GLIS3: variants seen among roughly 807,000 people sequenced by gnomAD.
GLIS3 encodes zinc finger protein GLIS3.
In GLIS3, 53 loss-of-function variants were observed where a neutral mutation model predicts 78.6. That is an observed-to-expected ratio of 0.67 (90% CI 0.54 to 0.85). The LOEUF (loss-of-function observed/expected upper bound fraction) is 0.85. Among genes scored for constraint, GLIS3 ranks in the 40% least tolerant of loss-of-function variants. The pLI, the probability that GLIS3 is intolerant of heterozygous loss-of-function variation, is 0.00. For missense variants in GLIS3, 1,703 were observed against 1,231.1 expected, an observed-to-expected ratio of 1.38 and a Z score of -5.74; for synonymous variants, 684 against 509.9, an observed-to-expected ratio of 1.34 and a Z score of -4.60.
chr9:3,957,386 T>C (rs1817196658), intron 4 of GLIS3, among the ~76,000 whole-genome samples: 1 of 152,230 alleles, frequency 6.6e-6, no homozygotes, highest in South Asian at 2.1e-4. Flanking sequence ...TAAAAGTTGC[T>C]ATTGATGTGG....
At chr9:3,999,074 A>G (rs1820946186) in intron 4 of GLIS3, among the ~76,000 whole-genome samples, 1 of 152,078 alleles carries the variant, frequency 6.6e-6, no homozygotes, top group Non-Finnish European at 1.5e-5. Context: ...CCATTTAACA[A>G]TTATCCTAGA....
intron 4 of GLIS3, among the ~76,000 whole-genome samples, chr9:3,988,282 A>C (rs553322595): frequency 6.6e-6 from 1 of 152,358 alleles, no homozygotes; most frequent in African/African-American, 2.4e-5. Context: ...GACTAAAGAA[A>C]GATCTTCCAA....
chr9:4,463,486 T>C, the GLIS3 span, among the ~76,000 whole-genome samples: 1 of 152,178 alleles, frequency 6.6e-6, no homozygotes, highest in Non-Finnish European at 1.5e-5. Flanking sequence ...AAATTATTTC[T>C]TTCTGTTTCT....
At chr9:3,919,140 C>G (rs1309800373) in intron 6 of GLIS3, among the ~76,000 whole-genome samples, 5 of 152,038 alleles carry the variant, frequency 3.3e-5, no homozygotes, top group African/African-American at 1.2e-4. Flanking sequence ...ATTAGGTACT[C>G]CAAAGCATGG....
chr9:4,139,161 C>A (rs1357940493), intron 2 of GLIS3, among the ~76,000 whole-genome samples: 1 of 152,158 alleles, frequency 6.6e-6, no homozygotes, highest in African/African-American at 2.4e-5. Flanking sequence ...ACCTTTCTTC[C>A]ATAAATCAAG....
intron 1 of GLIS3, among the ~76,000 whole-genome samples, chr9:4,292,998 C>A (rs568036002): frequency 1.3e-5 from 2 of 152,238 alleles, no homozygotes; most frequent in African/African-American, 4.8e-5. Context: ...GACACAAAGG[C>A]TTCTTCTTCA....
chr9:3,993,119 A>C (rs888983841), intron 4 of GLIS3, among the ~76,000 whole-genome samples: 2 of 152,186 alleles, frequency 1.3e-5, no homozygotes, highest in African/African-American at 4.8e-5. Flanking sequence ...TTCTCACTCC[A>C]GCTCTCAAGC....
chr9:4,270,931 GTGTA>G (rs879788870), intron 2 of GLIS3, among the ~76,000 whole-genome samples: 2,820 of 78,328 alleles, frequency 0.036, 38 homozygotes, highest in South Asian at 0.12. Context: ...GTGTGTGTGT[GTGTA>G]TACACAACTG....
intron 8 of GLIS3, among the ~76,000 whole-genome samples, chr9:3,869,462 A>G (rs376928372): frequency 5.9e-5 from 9 of 152,344 alleles, no homozygotes; most frequent in African/African-American, 1.4e-4. Flanking sequence ...CAAGAAAGCA[A>G]TGTAGAGAAA....
chr9:4,341,673 C>T (rs1817836018), intron 2 of GLIS3, among the ~76,000 whole-genome samples: 1 of 152,222 alleles, frequency 6.6e-6, no homozygotes, highest in South Asian at 2.1e-4. Context: ...AGTCTTACAA[C>T]CAGTGCCTCT....
intron 4 of GLIS3, among the ~76,000 whole-genome samples, chr9:4,055,613 A>C (rs1304149580): frequency 6.6e-6 from 1 of 152,202 alleles, no homozygotes. Context: ...TGTGAAGCAA[A>C]TATGTTGCTC....
chr9:4,165,576 A>G (rs181887397), intron 2 of GLIS3, among the ~76,000 whole-genome samples: 109 of 152,392 alleles, frequency 7.2e-4, no homozygotes, highest in Non-Finnish European at 1.2e-3. Flanking sequence ...ACATAAAGCT[A>G]CACTCCGAGT....
Position 4,183,485 on chromosome 9 carries a change from G to T in GLIS3, c.389-57544C>A, listed in dbSNP as rs968212323. On this transcript the variant is annotated intron_variant, in intron 2 of 10. Transcript: ENST00000381971. Reference sequence around the variant, plus strand: ...AATCTAGCTTAAATTGCATAGTCCAGCACACTATACTGAAGGAAGCAGCGA... The same window carrying T: ...AATCTAGCTTAAATTGCATAGTCCATCACACTATACTGAAGGAAGCAGCGA... Among the ~76,000 whole-genome samples the T allele has an allele frequency of 3.9e-5, 6 of 152,076 alleles. 1 individual carries two copies. The highest frequency in any genetic ancestry group is 4.4e-5 in the Non-Finnish European group (3 of 68,028).
At chr9:4,472,607 T>C in the GLIS3 span, among the ~76,000 whole-genome samples, 9,215 of 56,144 alleles carry the variant, frequency 0.16, 374 homozygotes, top group Middle Eastern at 0.21. Flanking sequence ...GGGCCTGTCA[T>C]GGGGTGTGGG....
chr9:3,888,600 G>A (rs1306734864), intron 7 of GLIS3, among the ~76,000 whole-genome samples: 2 of 152,174 alleles, frequency 1.3e-5, no homozygotes, highest in Admixed American at 1.3e-4. Flanking sequence ...GGAGCTCACA[G>A]CTTCTTCGAT....
At position 4,013,440 on chromosome 9, in the gene GLIS3, T is replaced by G. The variant is rs1458633321; in HGVS notation, c.1711-76251A>C. ...TATACTTTCTTATGATATAATCAAT[T>G]GTCTGTCCTTGGAGATTCATTGTTT... On this transcript the variant is annotated intron_variant, in intron 4 of 10. Coordinates refer to ENST00000381971, the MANE Select transcript of GLIS3 (RefSeq NM_001042413.2). Among the ~76,000 whole-genome samples the G allele has an allele frequency of 2.0e-5, 3 of 152,234 alleles. No homozygotes were observed. In the East Asian group the frequency reaches 5.8e-4, roughly 29 times the overall value.
At chr9:4,479,417 T>G in the GLIS3 span, among the ~76,000 whole-genome samples, 1 of 152,206 alleles carries the variant, frequency 6.6e-6, no homozygotes, top group Non-Finnish European at 1.5e-5. Context: ...TATTCTTTCC[T>G]GTCTTTTGGC....
At position 3,939,375 on chromosome 9, in the gene GLIS3, A is replaced by G. The variant is rs755527332; in HGVS notation, c.1711-2186T>C. Among the ~76,000 whole-genome samples, 164 of 152,352 alleles carry G rather than the reference A, an allele frequency of 1.1e-3. 1 individual carries two copies. Among genetic ancestry groups the G allele is most frequent in the South Asian group, 3.1e-3 (15 of 4,828 alleles). On this transcript the variant is annotated intron_variant, in intron 4 of 10. Coordinates refer to ENST00000381971, the MANE Select transcript of GLIS3 (RefSeq NM_001042413.2). ...AAACTGTTCACTTGATAAGACATAA[A>G]CTATATGTAAGAATACCATTTCCAA...
At chr9:4,294,881 A>G (rs1816345313) in intron 1 of GLIS3, among the ~76,000 whole-genome samples, 1 of 152,194 alleles carries the variant, frequency 6.6e-6, no homozygotes, top group Non-Finnish European at 1.5e-5. Context: ...ATACTGAAAA[A>G]CATGGTGTAA....
Sources: allele counts gnomAD v4.1 joint callset (sites outside exome capture counted in the v4.1 genomes callset), GRCh38; gene constraint gnomAD v4.1.1; transcripts MANE v1.5; gene names NCBI Gene and HGNC (gene_info 2026-07-23, HGNC 2026-07-21).